Variants in POLA1 observed in about 807,000 individuals in gnomAD.
POLA1 encodes DNA polymerase alpha catalytic subunit.
Under a neutral mutation model 124.0 loss-of-function variants are expected in POLA1, and 15 were observed. That is an observed-to-expected ratio of 0.12 (90% CI 0.08 to 0.19). The LOEUF (loss-of-function observed/expected upper bound fraction) is 0.19. POLA1 is among the 10% of genes least tolerant of loss of function. POLA1 has a pLI of 1.00. For synonymous variants in POLA1, 408 were observed against 389.4 expected, an observed-to-expected ratio of 1.05 and a Z score of -0.56; for missense variants, 886 against 1,103.4, an observed-to-expected ratio of 0.80 and a Z score of 2.79.
At chrX:24,975,224 C>G (rs187590699) in intron 36 of POLA1, among the ~76,000 whole-genome samples, 1,874 of 112,234 alleles carry the variant, frequency 0.017, 29 homozygotes, top group Non-Finnish European at 0.024. Flanking sequence ...ATTGGCCAGG[C>G]TGGTCTTGAA....
intron 32 of POLA1, among the ~76,000 whole-genome samples, chrX:24,839,755 T>C (rs758991035): frequency 8.9e-6 from 1 of 112,728 alleles, no homozygotes; most frequent in Non-Finnish European, 1.9e-5. Context: ...TTTTGATTAG[T>C]GTTGGCCTGG....
intron 35 of POLA1, among the ~76,000 whole-genome samples, chrX:24,927,642 T>C (rs746675969): frequency 8.9e-6 from 1 of 112,408 alleles, no homozygotes; most frequent in South Asian, 3.7e-4. Flanking sequence ...AAAGGAAGAC[T>C]GAAAGAAGCC....
intron 34 of POLA1, among the ~76,000 whole-genome samples, chrX:24,851,375 T>C (rs1160307504): frequency 1.8e-5 from 2 of 112,765 alleles, no homozygotes; most frequent in Non-Finnish European, 3.7e-5. Context: ...CCTAGTCCGG[T>C]ATCCTGCCCA....
chrX:24,938,830 C>T (rs1256083720), intron 36 of POLA1, among the ~76,000 whole-genome samples: 1 of 112,240 alleles, frequency 8.9e-6, no homozygotes, highest in Non-Finnish European at 1.9e-5. Context: ...CTACATTTTC[C>T]AAGAAATGGT....
At chrX:24,929,503 C>G (rs765412469) in intron 35 of POLA1, among the ~76,000 whole-genome samples, 20 of 112,107 alleles carry the variant, frequency 1.8e-4, no homozygotes, top group Admixed American at 1.6e-3. Context: ...AGTTGTTTCA[C>G]CTTGGTAGGA....
intron 36 of POLA1, among the ~76,000 whole-genome samples, chrX:24,949,740 CT>C (rs1254536986): frequency 4.8e-4 from 43 of 88,736 alleles, no homozygotes; most frequent in Middle Eastern, 5.9e-3. Context: ...CTTTTTTTTT[CT>C]TTTTTTTTTT....
chrX:24,793,277 CAAAAAAAAAAAA>C (rs144419886), intron 26 of POLA1, among the ~76,000 whole-genome samples: 462 of 26,053 alleles, frequency 0.018, 10 homozygotes, highest in African/African-American at 0.077. Flanking sequence ...GACTCCCTCT[CAAAAAAAAAAAA>C]AAAAAAAAAA....
intron 4 of POLA1, among the ~76,000 whole-genome samples, chrX:24,706,288 A>C (rs1235503246): frequency 1.8e-5 from 2 of 111,689 alleles, no homozygotes; most frequent in African/African-American, 6.5e-5. Context: ...ACATGGCTCC[A>C]TCAGTCTTTG....
At chrX:24,817,558 A>G (rs1474303749) in intron 30 of POLA1, among the ~76,000 whole-genome samples, 1 of 101,922 alleles carries the variant, frequency 9.8e-6, no homozygotes, top group African/African-American at 3.6e-5. Context: ...CAGTGAGCTG[A>G]GATGGCGCCA....
At chrX:24,855,828 A>C (rs1046755826) in intron 34 of POLA1, among the ~76,000 whole-genome samples, 1 of 110,823 alleles carries the variant, frequency 9.0e-6, no homozygotes, top group African/African-American at 3.3e-5. Flanking sequence ...ACCCCGCAGA[A>C]TCCTCGGATA....
chrX:24,935,649 C>T (rs2047839435), intron 36 of POLA1, among the ~76,000 whole-genome samples: 2 of 111,962 alleles, frequency 1.8e-5, no homozygotes, highest in Admixed American at 1.9e-4. Flanking sequence ...TTTTTTTTTC[C>T]TTAAACTTTT....
intron 23 of POLA1, among the ~76,000 whole-genome samples, chrX:24,744,070 T>C (rs1931846546): frequency 9.0e-6 from 1 of 111,343 alleles, no homozygotes; most frequent in Non-Finnish European, 1.9e-5. Flanking sequence ...TTTTTTTGTA[T>C]ATATAAAAAA....
At chrX:24,899,302 C>T (rs1185238472) in intron 35 of POLA1, among the ~76,000 whole-genome samples, 5 of 111,667 alleles carry the variant, frequency 4.5e-5, no homozygotes, top group Non-Finnish European at 9.4e-5. Context: ...ACTTACTTTT[C>T]GAAAGTAGTT....
intron 34 of POLA1, 145 bp downstream of exon 34, chrX:24,843,822 G>A: frequency 3.2e-6 from 1 of 314,969 alleles, no homozygotes; most frequent in East Asian, 5.1e-5. Flanking sequence ...GATAAAGTAT[G>A]TAATTTTGGC....
chrX:24,938,212 T>G (rs2047874876), intron 36 of POLA1, among the ~76,000 whole-genome samples: 1 of 112,141 alleles, frequency 8.9e-6, no homozygotes, highest in Admixed American at 9.4e-5. Flanking sequence ...GCCAGGAGTT[T>G]GAGACCAGCC....
intron 35 of POLA1, among the ~76,000 whole-genome samples, chrX:24,915,690 A>G (rs927687063): frequency 4.5e-5 from 5 of 112,107 alleles, no homozygotes; most frequent in Non-Finnish European, 7.5e-5. Flanking sequence ...GCTAACAGCA[A>G]AATTTGACTG....
At chrX:24,834,058 A>G (rs1226980781) in intron 32 of POLA1, among the ~76,000 whole-genome samples, 1 of 103,903 alleles carries the variant, frequency 9.6e-6, no homozygotes, top group East Asian at 3.1e-4. Context: ...GTGAGCTGTG[A>G]TCGTTCCATT....
intron 36 of POLA1, among the ~76,000 whole-genome samples, chrX:24,953,127 A>G (rs1481482669): frequency 8.9e-6 from 1 of 112,018 alleles, no homozygotes; most frequent in African/African-American, 3.2e-5. Context: ...AGTAAATTCT[A>G]TCTAGTGCAG....
chrX:24,873,523 C>T (rs1224647420), intron 34 of POLA1, among the ~76,000 whole-genome samples: 2 of 111,869 alleles, frequency 1.8e-5, no homozygotes, highest in African/African-American at 6.5e-5. Flanking sequence ...GAATTTTGTG[C>T]AACCGTTAAC....
Sources: gnomAD v4.1 joint callset for allele counts (sites outside exome capture counted in the v4.1 genomes callset) on GRCh38, gnomAD v4.1.1 for gene constraint, MANE v1.5 for transcripts, NCBI Gene and HGNC (gene_info 2026-07-23, HGNC 2026-07-21) for gene names.